RUNDC3B: variants seen among roughly 807,000 people sequenced by gnomAD.
The protein encoded by RUNDC3B is RUN domain-containing protein 3B.
A neutral mutation model predicts 58.4 loss-of-function variants in RUNDC3B; 33 were observed. The ratio of observed to expected loss-of-function variants is 0.56; its 90% confidence interval spans 0.43 to 0.75. The LOEUF (loss-of-function observed/expected upper bound fraction) is 0.75. Ranked by LOEUF, RUNDC3B falls within the 30% of genes least tolerant of loss-of-function variation. RUNDC3B has a pLI of 0.00. For missense variants in RUNDC3B, 501 were observed against 535.7 expected, an observed-to-expected ratio of 0.94 and a Z score of 0.64; for synonymous variants, 193 against 195.2, an observed-to-expected ratio of 0.99 and a Z score of 0.10.
At chr7:87,646,103 A>C (rs1324829538) in intron 1 of RUNDC3B, among the ~76,000 whole-genome samples, 1 of 152,158 alleles carries the variant, frequency 6.6e-6, no homozygotes, top group Non-Finnish European at 1.5e-5. Context: ...TTAGCTGTTG[A>C]GTTTAAAGTA....
chr7:87,795,968 A>G (rs1468956106), intron 8 of RUNDC3B, among the ~76,000 whole-genome samples: 1 of 152,184 alleles, frequency 6.6e-6, no homozygotes, highest in Non-Finnish European at 1.5e-5. Flanking sequence ...TATACCCAAA[A>G]GAAAGGCAAT....
intron 2 of RUNDC3B, among the ~76,000 whole-genome samples, chr7:87,678,992 T>C (rs1320105638): frequency 6.6e-6 from 1 of 151,762 alleles, no homozygotes; most frequent in Non-Finnish European, 1.5e-5. Context: ...TCAACACTCC[T>C]CTCATAATAG....
chr7:87,774,026 C>G (rs1219953611), intron 7 of RUNDC3B, among the ~76,000 whole-genome samples: 1 of 151,906 alleles, frequency 6.6e-6, no homozygotes, highest in African/African-American at 2.4e-5. Context: ...TCCACAAATA[C>G]CAAAGAAATG....
rs71117547 is a variant in RUNDC3B at position 87,639,153 on chromosome 7, C to CAAA, written c.122+10229_122+10231dup. ...TGGGCGACAGAGTGAGACTCCGTCT[C>CAAA]AAAAAAAAAAAAAAAAAAAAAAATC... On this transcript the variant is annotated intron_variant, in intron 1 of 10. Coordinates refer to ENST00000394654, the MANE Select transcript of RUNDC3B (RefSeq NM_001134405.2). 7.5e-3 allele frequency among the ~76,000 whole-genome samples: 646 copies of CAAA among 86,360 alleles called. 22 individuals carry two copies. Among genetic ancestry groups the CAAA allele is most frequent in the African/African-American group, 0.023 (488 of 21,164 alleles). The allele number at this position is 86,360 out of a possible 152,430, so 56.7% of individuals were successfully genotyped here.
At chr7:87,719,990 CAA>C (rs11363135) in intron 4 of RUNDC3B, among the ~76,000 whole-genome samples, 424 of 112,228 alleles carry the variant, frequency 3.8e-3, no homozygotes, top group South Asian at 6.0e-3. Context: ...TGACTACATC[CAA>C]AAAAAAAAAA....
Position 87,816,272 on chromosome 7 carries a change from C to A in RUNDC3B, c.1225+10C>A. 1.2e-6 allele frequency: 2 copies of A among 1,601,594 alleles called. No homozygotes were observed. The highest frequency in any genetic ancestry group is 1.7e-6 in the Non-Finnish European group (2 of 1,173,414). ...AATGTAATGAGTGAAGGTAAGAAAA[C>A]AAAGAACTATTTGAAAATTACTCTT... On this transcript the variant is annotated intron_variant, in intron 10 of 10. Transcript: ENST00000394654.
chr7:87,638,023 T>C (rs1821976250), intron 1 of RUNDC3B, among the ~76,000 whole-genome samples: 1 of 152,160 alleles, frequency 6.6e-6, no homozygotes, highest in Non-Finnish European at 1.5e-5. Context: ...TTGCTGAGAA[T>C]TTGTATCATA....
intron 9 of RUNDC3B, 95 bp downstream of exon 9, chr7:87,807,614 T>A: frequency 1.1e-6 from 1 of 880,860 alleles, no homozygotes; most frequent in South Asian, 1.5e-5. Flanking sequence ...CTTTCTGAAC[T>A]TATTATTATC....
At chr7:87,703,840 G>A (rs1829301581) in intron 3 of RUNDC3B, among the ~76,000 whole-genome samples, 2 of 93,972 alleles carry the variant, frequency 2.1e-5, no homozygotes, top group African/African-American at 8.1e-5. Flanking sequence ...AAAATATGCA[G>A]TGTGAATTCC....
rs1314610955 is a variant in RUNDC3B at position 87,749,993 on chromosome 7, G to C, written c.629+8414G>C. Reference sequence around the variant, plus strand: ...GCTGCACCCACTAACTCGTCATCTAGCATTAGGTATATCTCCCAATGCTAT... The same window carrying C: ...GCTGCACCCACTAACTCGTCATCTACCATTAGGTATATCTCCCAATGCTAT... On this transcript the variant is annotated intron_variant, in intron 6 of 10. Transcript: ENST00000394654. Among the ~76,000 whole-genome samples the C allele has an allele frequency of 5.9e-5, 9 of 151,798 alleles. No individual in the cohort carries two copies. In the East Asian group the frequency reaches 1.7e-3, roughly 29 times the overall value.
chr7:87,702,129 C>T lies in RUNDC3B; in HGVS notation c.372+1575C>T, dbSNP rs182467411. 5.9e-3 allele frequency among the ~76,000 whole-genome samples: 577 copies of T among 98,006 alleles called. 2 individuals carry two copies. The highest frequency in any genetic ancestry group is 0.021 in the African/African-American group (483 of 22,640). 64.3% of individuals were successfully genotyped at this position (98,006 alleles called of 152,430 possible). On this transcript the variant is annotated intron_variant, in intron 3 of 10. Coordinates refer to ENST00000394654, the MANE Select transcript of RUNDC3B (RefSeq NM_001134405.2). ...CTGCACTCCAGCCTGGGCAAAAGAGCGAGACTCTGTCTCAAAAAAAAAAAA... is the reference window on the plus strand; with the variant it reads ...CTGCACTCCAGCCTGGGCAAAAGAGTGAGACTCTGTCTCAAAAAAAAAAAA...
intron 1 of RUNDC3B, among the ~76,000 whole-genome samples, chr7:87,647,081 A>G (rs1209040535): frequency 6.6e-6 from 1 of 152,142 alleles, no homozygotes; most frequent in Non-Finnish European, 1.5e-5. Flanking sequence ...TATTTGAGTG[A>G]TTATATTTTC....
chr7:87,695,939 A>G (rs1244898746), intron 2 of RUNDC3B, among the ~76,000 whole-genome samples: 1 of 152,106 alleles, frequency 6.6e-6, no homozygotes, highest in Non-Finnish European at 1.5e-5. Flanking sequence ...TTAGGTCCTA[A>G]AGATGAGGCA....
intron 8 of RUNDC3B, among the ~76,000 whole-genome samples, chr7:87,784,421 G>T (rs903912081): frequency 2.0e-5 from 3 of 151,926 alleles, no homozygotes; most frequent in Non-Finnish European, 4.4e-5. Context: ...TCCCTTGAGG[G>T]TTTGACTGTT....
chr7:87,746,093 A>G (rs1018647762), intron 6 of RUNDC3B, among the ~76,000 whole-genome samples: 2 of 152,090 alleles, frequency 1.3e-5, no homozygotes, highest in African/African-American at 4.8e-5. Flanking sequence ...TTTAATTTCC[A>G]TGTACTTGCA....
At chr7:87,813,876 G>T (rs1338288760) in intron 9 of RUNDC3B, among the ~76,000 whole-genome samples, 1 of 151,694 alleles carries the variant, frequency 6.6e-6, no homozygotes, top group East Asian at 2.0e-4. Flanking sequence ...AGCTACTCAG[G>T]AGGCTGAGGC....
chr7:87,826,211 G>A lies in RUNDC3B; in HGVS notation c.1226-3674G>A, dbSNP rs576186090. Among the ~76,000 whole-genome samples the A allele has an allele frequency of 7.2e-5, 11 of 152,220 alleles. No individual in the cohort carries two copies. The East Asian group carries it at 1.5e-3, about 21-fold the overall frequency. ...CGTCATGGGAGGAACCTGGTGGGAGGTGATTTAATTACGGGGGCAGATCTT... is the reference window on the plus strand; with the variant it reads ...CGTCATGGGAGGAACCTGGTGGGAGATGATTTAATTACGGGGGCAGATCTT... On this transcript the variant is annotated intron_variant, in intron 10 of 10. Transcript: ENST00000394654.
At chr7:87,686,659 G>A (rs752233550) in intron 2 of RUNDC3B, among the ~76,000 whole-genome samples, 15 of 151,848 alleles carry the variant, frequency 9.9e-5, no homozygotes, top group Non-Finnish European at 2.1e-4. Context: ...GAAAAAGTTA[G>A]CCAGGTGCAG....
chr7:87,807,635 G>T (rs1417668880), intron 9 of RUNDC3B, 116 bp downstream of exon 9: 1 of 762,252 alleles, frequency 1.3e-6, no homozygotes. Flanking sequence ...TTAGAGCAAA[G>T]ACAAGATTTC....
Sources: allele counts gnomAD v4.1 joint callset (sites outside exome capture counted in the v4.1 genomes callset), GRCh38; gene constraint gnomAD v4.1.1; transcripts MANE v1.5; gene names NCBI Gene and HGNC (gene_info 2026-07-23, HGNC 2026-07-21).